Variants in NXPE3 observed in about 807,000 individuals in gnomAD.
NXPE3 encodes the protein NXPE family member 3.
In NXPE3, 26 loss-of-function variants were observed where a neutral mutation model predicts 46.1. That is an observed-to-expected ratio of 0.56 (90% CI 0.41 to 0.78). The LOEUF is 0.78. Ranked by LOEUF, NXPE3 falls within the 30% of genes least tolerant of loss-of-function variation. NXPE3 has a pLI of 0.00. For missense variants in NXPE3, 620 were observed against 686.0 expected (o/e 0.90, Z 1.07); for synonymous variants, 272 against 257.9 (o/e 1.05, Z -0.52).
chr3:101,821,973 G>T lies in NXPE3; in HGVS notation c.*19G>T. 6.2e-7 allele frequency: 1 copy of T among 1,600,338 alleles called. No homozygotes were observed. Among genetic ancestry groups the T allele is most frequent in the South Asian group, 1.1e-5 (1 of 90,162 alleles). On this transcript the variant is annotated 3_prime_UTR_variant, in exon 8 of 8. Coordinates refer to ENST00000273347, the MANE Select transcript of NXPE3 (RefSeq NM_145037.4). ...AACCTAGCCTGTCTTGGAAGGGACT[G>T]GAGGAATCATATTCAATGACCTTCT...
In NXPE3 at chr3:101,823,482, T is replaced by G. The variant is rs2107370728; in HGVS notation, c.*1528T>G. 6.6e-6 allele frequency: 1 copy of G among 152,218 alleles called. No individual in the cohort carries two copies. Among genetic ancestry groups the G allele is most frequent in the African/African-American group, 2.4e-5 (1 of 41,498 alleles). 9.4% of individuals were successfully genotyped at this position (152,218 alleles called of 1,614,324 possible). Reference sequence around the variant, plus strand: ...GTAGTATCTGACAAAAATGCAGAATTAAAGAGTCATGGCAGGGTGTGGTAG... The same window carrying G: ...GTAGTATCTGACAAAAATGCAGAATGAAAGAGTCATGGCAGGGTGTGGTAG... On this transcript the variant is annotated 3_prime_UTR_variant, in exon 8 of 8. Transcript: ENST00000273347.
chr3:101,802,671 T>C (rs973861119), intron 5 of NXPE3, among the ~76,000 whole-genome samples: 1 of 151,978 alleles, frequency 6.6e-6, no homozygotes, highest in Non-Finnish European at 1.5e-5. Context: ...GAAAACTATA[T>C]TTTTTAAGCT....
In NXPE3 at chr3:101,785,439, G is replaced by T; in HGVS notation, c.-158G>T. On this transcript the variant is annotated 5_prime_UTR_variant, in exon 4 of 8. Coordinates refer to ENST00000273347, the MANE Select transcript of NXPE3 (RefSeq NM_145037.4). ...GAAAAATGTGCTTCTTGAATCAACTGCAGTCTCTCCTCTGCATAAGAGCTC... is the reference window on the plus strand; with the variant it reads ...GAAAAATGTGCTTCTTGAATCAACTTCAGTCTCTCCTCTGCATAAGAGCTC... The T allele has an allele frequency of 1.6e-6, 1 of 620,100 alleles. No homozygotes were observed. The highest frequency in any genetic ancestry group is 1.9e-5 in the South Asian group (1 of 52,628). The allele number at this position is 620,100 out of a possible 1,614,324, so 38.4% of individuals were successfully genotyped here. A position where few individuals can be genotyped will look rare whatever the true frequency, so the allele number is the denominator to read the frequency against.
chr3:101,817,349 T>C (rs1175298143), intron 7 of NXPE3, among the ~76,000 whole-genome samples: 2 of 152,240 alleles, frequency 1.3e-5, no homozygotes, highest in Non-Finnish European at 2.9e-5. Context: ...TTCTGGGTTG[T>C]AAAATAGAGG....
chr3:101,792,980 C>T (rs1471587884), intron 4 of NXPE3, among the ~76,000 whole-genome samples: 4 of 152,026 alleles, frequency 2.6e-5, no homozygotes, highest in African/African-American at 9.7e-5. Flanking sequence ...GCTCTTTCAC[C>T]TCCCTTGTTA....
intron 4 of NXPE3, among the ~76,000 whole-genome samples, chr3:101,787,169 A>C (rs960521441): frequency 1.5e-4 from 23 of 152,022 alleles, no homozygotes; most frequent in Non-Finnish European, 5.9e-5. Context: ...AAACACAACA[A>C]ATCCAAAAAA....
At chr3:101,813,525 T>C (rs1941820852) in intron 6 of NXPE3, among the ~76,000 whole-genome samples, 1 of 152,178 alleles carries the variant, frequency 6.6e-6, no homozygotes, top group South Asian at 2.1e-4. Context: ...TGGAGGAAAA[T>C]GCAAACCATG....
intron 6 of NXPE3, among the ~76,000 whole-genome samples, chr3:101,812,115 C>A (rs192981871): frequency 2.0e-5 from 3 of 152,122 alleles, no homozygotes; most frequent in Admixed American, 2.0e-4. Flanking sequence ...GCAGTAAAAA[C>A]GAAACTAGTC....
intron 4 of NXPE3, among the ~76,000 whole-genome samples, chr3:101,787,650 G>A (rs1940271284): frequency 6.6e-6 from 1 of 152,136 alleles, no homozygotes; most frequent in Non-Finnish European, 1.5e-5. Flanking sequence ...TTAGCATAAC[G>A]TCCCCAAGGT....
rs928803893 is a variant in NXPE3 at position 101,824,856 on chromosome 3, G to C, written c.*2902G>C. ...AAAGAAAGCGGGCATTGCTCCTCCA[G>C]TGGTTTGGAATGATGCCACTTGATT... On this transcript the variant is annotated 3_prime_UTR_variant, in exon 8 of 8. Transcript: ENST00000273347. 6 of 152,168 alleles carry C rather than the reference G, an allele frequency of 3.9e-5. No homozygotes were observed. The highest frequency in any genetic ancestry group is 3.3e-4 in the Admixed American group (5 of 15,284). 9.4% of individuals were successfully genotyped at this position (152,168 alleles called of 1,614,324 possible). A position where few individuals can be genotyped will look rare whatever the true frequency, so the allele number is the denominator to read the frequency against.
chr3:101,806,086 T>C (rs1941404673), intron 5 of NXPE3, among the ~76,000 whole-genome samples: 1 of 152,140 alleles, frequency 6.6e-6, no homozygotes, highest in Non-Finnish European at 1.5e-5. Context: ...CCATGTCAGC[T>C]CCATGAAGAA....
intron 5 of NXPE3, among the ~76,000 whole-genome samples, chr3:101,805,400 G>T (rs948095687): frequency 6.7e-6 from 1 of 148,918 alleles, no homozygotes; most frequent in African/African-American, 2.5e-5. Context: ...TACAACATTG[G>T]CAATTTTGAT....
At chr3:101,785,258 C>T (rs985804140) in intron 3 of NXPE3, 144 bp from the exon 4 acceptor site, 10 of 184,038 alleles carry the variant, frequency 5.4e-5, no homozygotes, top group South Asian at 4.9e-4. Context: ...AATGAAAAGA[C>T]GTTACTGTGC....
In NXPE3 at chr3:101,822,133, C is replaced by T. The variant is rs1243497083; in HGVS notation, c.*179C>T. 2 of 591,640 alleles carry T rather than the reference C, an allele frequency of 3.4e-6. No individual in the cohort carries two copies. Among genetic ancestry groups the T allele is most frequent in the Admixed American group, 3.0e-5 (1 of 33,330 alleles). 36.6% of individuals were successfully genotyped at this position (591,640 alleles called of 1,614,324 possible). ...AAAATGCAGGTTACATTTATATCTA[C>T]CTATAGGATTTTATCCAATGTTGAC... On this transcript the variant is annotated 3_prime_UTR_variant, in exon 8 of 8. Transcript: ENST00000273347.
Position 101,801,846 on chromosome 3 carries a change from G to C in NXPE3, c.705G>C (p.Leu235=), listed in dbSNP as rs1277877087. Residue 235 remains leucine, a synonymous_variant, in exon 5 of 8, where the codon CTG becomes CTC. Transcript: ENST00000273347. ...TGTGTCTTCCTGGGAATCTGCCCCT[G>C]TGTAACTTTACAGACCTCTACACTG... is the stretch of plus-strand genomic sequence containing the variant. ...CNVCLPGNLP[L]CNFTDLYTGE... The C allele has an allele frequency of 6.2e-7, 1 of 1,614,066 alleles. No individual in the cohort carries two copies. Among genetic ancestry groups the C allele is most frequent in the Non-Finnish European group, 8.5e-7 (1 of 1,180,004 alleles).
chr3:101,822,045 C>T lies in NXPE3; in HGVS notation c.*91C>T, dbSNP rs1198257989. ...AGTGGCCCCAGTGAGAGATGACTGC[C>T]CTTAATAAGTATAAAATTTCAAAAA... On this transcript the variant is annotated 3_prime_UTR_variant, in exon 8 of 8. Coordinates refer to ENST00000273347, the MANE Select transcript of NXPE3 (RefSeq NM_145037.4). 7.2e-6 allele frequency: 8 copies of T among 1,113,834 alleles called. No homozygotes were observed. The highest frequency in any genetic ancestry group is 9.1e-6 in the Non-Finnish European group (7 of 770,990). The allele number at this position is 1,113,834 out of a possible 1,614,324, so 69.0% of individuals were successfully genotyped here. A position where few individuals can be genotyped will look rare whatever the true frequency, so the allele number is the denominator to read the frequency against.
intron 6 of NXPE3, among the ~76,000 whole-genome samples, chr3:101,811,421 A>G (rs1941700901): frequency 6.6e-6 from 1 of 152,202 alleles, no homozygotes; most frequent in South Asian, 2.1e-4. Context: ...TACAGTATTG[A>G]ATTTTCACAA....
chr3:101,818,697 T>G (rs1036806442), intron 7 of NXPE3, among the ~76,000 whole-genome samples: 1 of 116,660 alleles, frequency 8.6e-6, no homozygotes, highest in Non-Finnish European at 1.8e-5. Flanking sequence ...ACTTTAACCC[T>G]TAAGAATATA....
intron 7 of NXPE3, among the ~76,000 whole-genome samples, chr3:101,818,425 C>T (rs1942059974): frequency 6.6e-6 from 1 of 152,020 alleles, no homozygotes; most frequent in African/African-American, 2.4e-5. Context: ...TAGTTGCTTG[C>T]TTCTTAAATT....
Sources: allele counts gnomAD v4.1 joint callset (sites outside exome capture counted in the v4.1 genomes callset), GRCh38; gene constraint gnomAD v4.1.1; transcripts MANE v1.5; gene names NCBI Gene and HGNC (gene_info 2026-07-23, HGNC 2026-07-21).